Variants in USP7 observed in about 807,000 individuals in gnomAD.
The protein encoded by USP7 is ubiquitin C-terminal hydrolase 7.
In USP7, 9 loss-of-function variants were observed where a neutral mutation model predicts 162.9. That is an observed-to-expected ratio of 0.06 (90% CI 0.03 to 0.10). USP7 has a LOEUF of 0.10. Among genes scored for constraint, USP7 ranks in the 10% least tolerant of loss-of-function variants. The probability of loss-of-function intolerance (pLI) is 1.00; values close to 1 mark genes in which losing one functional copy is unlikely to be tolerated. For synonymous variants in USP7, 562 were observed against 475.9 expected, an observed-to-expected ratio of 1.18 and a Z score of -2.35; for missense variants, 715 against 1,373.7, an observed-to-expected ratio of 0.52 and a Z score of 7.58.
At chr16:8,901,534 G>A (rs546001103) in intron 18 of USP7, among the ~76,000 whole-genome samples, 1 of 152,212 alleles carries the variant, frequency 6.6e-6, no homozygotes, top group Non-Finnish European at 1.5e-5. Flanking sequence ...GACCTGGACT[G>A]ACTGGCTGGA....
intron 3 of USP7, among the ~76,000 whole-genome samples, chr16:8,922,298 G>A (rs1440201383): frequency 1.7e-4 from 26 of 152,188 alleles, no homozygotes; most frequent in Admixed American, 1.7e-3. Flanking sequence ...AGACCAGCCT[G>A]GCCAACATGG....
chr16:8,946,330 C>T (rs565197749), intron 1 of USP7, among the ~76,000 whole-genome samples: 1 of 152,214 alleles, frequency 6.6e-6, no homozygotes, highest in South Asian at 2.1e-4. Context: ...CCGGTAATCC[C>T]AGCACTTTGA....
chr16:8,933,001 C>T (rs1165630724), intron 1 of USP7, among the ~76,000 whole-genome samples: 1 of 151,486 alleles, frequency 6.6e-6, no homozygotes, highest in Admixed American at 6.6e-5. Context: ...AGTTCAGTGG[C>T]GAGATCTCGG....
In USP7 at chr16:8,923,395, T is replaced by G; in HGVS notation, c.203A>C (p.Glu68Ala). The change falls in exon 3 of 31, where the codon GAG (glutamate) becomes GCG (alanine). Residue 68 changes from glutamate to alanine, a missense_variant. This residue lies in a region of USP7 where 137 missense variants were observed against 123.5 expected (regional missense o/e 1.11). Coordinates refer to ENST00000344836, the MANE Select transcript of USP7 (RefSeq NM_003470.3). ...DMEDDTSWRS[E>A]ATFQFTVERF... ...CTCCACAGTGAACTGAAAGGTTGCC[T>G]CGGAGCGCCAACTGGTGTCTGCAAA... 1 of 1,614,198 alleles carries G rather than the reference T, an allele frequency of 6.2e-7. No individual in the cohort carries two copies. Among genetic ancestry groups the G allele is most frequent in the Non-Finnish European group, 8.5e-7 (1 of 1,180,038 alleles).
intron 6 of USP7, 95 bp from the exon 7 acceptor site, chr16:8,917,251 T>C (rs1364760326): frequency 5.0e-6 from 7 of 1,408,598 alleles, no homozygotes; most frequent in Non-Finnish European, 6.6e-6. Flanking sequence ...AAAAAAATCA[T>C]TTCTAATAAC....
intron 18 of USP7, chr16:8,901,809 G>T (rs966893752): frequency 6.8e-6 from 3 of 443,846 alleles, no homozygotes; most frequent in East Asian, 3.9e-5. Flanking sequence ...TGCTCTTTAG[G>T]ATCTGACCAA....
intron 2 of USP7, among the ~76,000 whole-genome samples, chr16:8,926,475 C>G (rs1346751641): frequency 1.3e-5 from 2 of 151,952 alleles, no homozygotes; most frequent in Non-Finnish European, 2.9e-5. Context: ...GCAAAAAACT[C>G]TGGTCTCCAA....
At chr16:8,922,780 A>G (rs1369079967) in intron 3 of USP7, among the ~76,000 whole-genome samples, 2 of 152,258 alleles carry the variant, frequency 1.3e-5, no homozygotes, top group African/African-American at 2.4e-5. Context: ...GAATGTTTAA[A>G]TGTTCCTCAA....
chr16:8,909,495 A>G (rs183773348), intron 11 of USP7, among the ~76,000 whole-genome samples: 1 of 152,322 alleles, frequency 6.6e-6, no homozygotes, highest in East Asian at 1.9e-4. Flanking sequence ...AGATAAAAGG[A>G]TTCTGTCTCC....
Position 8,899,243 on chromosome 16 carries a change from A to G in USP7, c.2464-55T>C. On this transcript the variant is annotated intron_variant, in intron 22 of 30. Coordinates refer to ENST00000344836, the MANE Select transcript of USP7 (RefSeq NM_003470.3). Reference sequence around the variant, plus strand: ...TGGGGAAAAATTGAAACTTGGTCATAAACTTCATGCTTAATTACTTAAAAT... The same window carrying G: ...TGGGGAAAAATTGAAACTTGGTCATGAACTTCATGCTTAATTACTTAAAAT... 11 of 1,568,398 alleles carry G rather than the reference A, an allele frequency of 7.0e-6. 1 individual carries two copies. The South Asian group carries it at 1.2e-4, about 18-fold the overall frequency.
chr16:8,905,275 C>T lies in USP7; in HGVS notation c.1485G>A (p.Glu495=), dbSNP rs370653225. 5 of 1,614,048 alleles carry T rather than the reference C, an allele frequency of 3.1e-6. No individual in the cohort carries two copies. Among genetic ancestry groups the T allele is most frequent in the Non-Finnish European group, 4.2e-6 (5 of 1,180,038 alleles). The change falls in exon 14 of 31, where the codon GAG becomes GAA. Residue 495 remains glutamate, a synonymous_variant. Transcript: ENST00000344836. Reference sequence around the variant, plus strand: ...CGTCATCGTGACCCCCATAATTGTGCTCAATTGCTTCCTCTTTAGTACACC... The same window carrying T: ...CGTCATCGTGACCCCCATAATTGTGTTCAATTGCTTCCTCTTTAGTACACC... ...VSRCTKEEAI[E]HNYGGHDDDL...
chr16:8,901,950 G>T, intron 18 of USP7, 132 bp downstream of exon 18: 1 of 764,598 alleles, frequency 1.3e-6, no homozygotes, highest in Non-Finnish European at 2.1e-6. Flanking sequence ...AGGAAGTCTA[G>T]TGAGCTTTTG....
chr16:8,916,113 A>T (rs917170354), intron 8 of USP7, among the ~76,000 whole-genome samples: 10 of 152,194 alleles, frequency 6.6e-5, no homozygotes, highest in African/African-American at 2.2e-4. Context: ...GCTCAATGAG[A>T]ACCTCGCTGC....
chr16:8,911,443 G>GCT (rs1406468686), intron 10 of USP7, among the ~76,000 whole-genome samples: 17 of 152,216 alleles, frequency 1.1e-4, no homozygotes, highest in African/African-American at 3.9e-4. Flanking sequence ...TGAGTGACAA[G>GCT]CTCTCAATCC....
At position 8,892,843 on chromosome 16, in the gene USP7, T is replaced by C. The variant is rs1434351887; in HGVS notation, c.*1155A>G. On this transcript the variant is annotated 3_prime_UTR_variant, in exon 31 of 31. Coordinates refer to ENST00000344836, the MANE Select transcript of USP7 (RefSeq NM_003470.3). ...CAAAAAGGCAATATACAGGAAGAGTTGGTGTACACTGCTCCCACAGAAACA... is the reference window on the plus strand; with the variant it reads ...CAAAAAGGCAATATACAGGAAGAGTCGGTGTACACTGCTCCCACAGAAACA... 2.0e-5 allele frequency: 3 copies of C among 152,138 alleles called. No individual in the cohort carries two copies. The highest frequency in any genetic ancestry group is 7.2e-5 in the African/African-American group (3 of 41,424). 9.4% of individuals were successfully genotyped at this position (152,138 alleles called of 1,614,324 possible). A position where few individuals can be genotyped will look rare whatever the true frequency, so the allele number is the denominator to read the frequency against.
Position 8,901,191 on chromosome 16 carries a change from C to T in USP7, c.2091G>A (p.Arg697=). 6.2e-7 allele frequency: 1 copy of T among 1,613,058 alleles called. No individual in the cohort carries two copies. The highest frequency in any genetic ancestry group is 8.5e-7 in the Non-Finnish European group (1 of 1,179,596). The change falls in exon 19 of 31, where the codon CGG becomes CGA. Residue 697 remains arginine (R), a synonymous_variant. Coordinates refer to ENST00000344836, the MANE Select transcript of USP7 (RefSeq NM_003470.3). The part of the protein sequence containing the change: ...LFLKMYDPKT[R]SLNYCGHIYT... Reference sequence around the variant, plus strand: ...AGATATGCCCACAGTAATTCAAGCTCCGCGTTTTGGGATCATACATCTTCA... The same window carrying T: ...AGATATGCCCACAGTAATTCAAGCTTCGCGTTTTGGGATCATACATCTTCA...
At chr16:8,936,756 T>C (rs1898759757) in intron 1 of USP7, 2 of 1,337,380 alleles carry the variant, frequency 1.5e-6, no homozygotes, top group South Asian at 3.4e-5. Context: ...GCCTTGTCTT[T>C]AGGACCAGAA....
chr16:8,929,038 TC>T (rs1567231661), intron 2 of USP7, among the ~76,000 whole-genome samples: 18 of 133,286 alleles, frequency 1.4e-4, no homozygotes, highest in African/African-American at 5.8e-4. Context: ...TCCCAAGACC[TC>T]CCCCCTAAAA....
At chr16:8,933,758 CTTT>C (rs550079695) in intron 1 of USP7, among the ~76,000 whole-genome samples, 10 of 143,288 alleles carry the variant, frequency 7.0e-5, no homozygotes, top group African/African-American at 2.1e-4. Flanking sequence ...CCTATACAAA[CTTT>C]TTTTTTTTTT....
Sources: gnomAD v4.1 joint callset for allele counts (sites outside exome capture counted in the v4.1 genomes callset) on GRCh38, gnomAD v4.1.1 for gene constraint, gnomAD v4.1.1 regional missense constraint, MANE v1.5 for transcripts, NCBI Gene and HGNC (gene_info 2026-07-23, HGNC 2026-07-21) for gene names.